BARD1: variants seen among roughly 807,000 people sequenced by gnomAD.
BARD1 encodes BRCA1-associated RING domain protein 1.
BARD1 carries 73 observed loss-of-function variants against 77.0 expected under a neutral mutation model. The observed-to-expected ratio is 0.95, with a 90% CI of 0.79 to 1.15. The LOEUF (loss-of-function observed/expected upper bound fraction) is 1.15, where lower values mean the gene tolerates loss of function less well. Among genes scored for constraint, BARD1 ranks in the 50% most tolerant of loss-of-function variants. The pLI is 0.00. For missense variants in BARD1, 993 were observed against 938.8 expected (o/e 1.06, Z -0.75); for synonymous variants, 384 against 338.0 (o/e 1.14, Z -1.49).
chr2:214,794,088 CA>C (rs1195820522), intron 2 of BARD1, among the ~76,000 whole-genome samples: 1 of 151,826 alleles, frequency 6.6e-6, no homozygotes, highest in Non-Finnish European at 1.5e-5. Flanking sequence ...CTTGTCTCTA[CA>C]AAAAACTACA....
chr2:214,796,125 C>T lies in BARD1; in HGVS notation c.215+936G>A, dbSNP rs1247812140. On this transcript the variant is annotated intron_variant, in intron 2 of 10. Coordinates refer to ENST00000260947, the MANE Select transcript of BARD1 (RefSeq NM_000465.4). Reference sequence around the variant, plus strand: ...AATTAAAAGATTAATTCAAAGGAGACTATATTTTCCCTGTCTCATAGGCAA... The same window carrying T: ...AATTAAAAGATTAATTCAAAGGAGATTATATTTTCCCTGTCTCATAGGCAA... 2.0e-5 allele frequency among the ~76,000 whole-genome samples: 3 copies of T among 152,170 alleles called. No individual in the cohort carries two copies. In the East Asian group the frequency reaches 5.8e-4, roughly 29 times the overall value.
At chr2:214,737,648 A>G (rs1176054754) in intron 9 of BARD1, among the ~76,000 whole-genome samples, 2 of 152,178 alleles carry the variant, frequency 1.3e-5, no homozygotes, top group African/African-American at 4.8e-5. Context: ...TAAGAATGAA[A>G]TGCTTTAAAA....
chr2:214,781,127 G>T lies in BARD1; in HGVS notation c.747C>A (p.Ile249=), dbSNP rs746551077. Residue 249 remains isoleucine (I), a synonymous_variant, in exon 4 of 11, where the codon ATC becomes ATA. Transcript: ENST00000260947. ...TTTCACCATTTATCTGAGGACTGGAGATAACAGATGGTTGGCTACAGAAGG... is the reference window on the plus strand; with the variant it reads ...TTTCACCATTTATCTGAGGACTGGATATAACAGATGGTTGGCTACAGAAGG... ...LVSFCSQPSV[I]SSPQINGEID... 3 of 1,575,834 alleles carry T rather than the reference G, an allele frequency of 1.9e-6. No homozygotes were observed. Among genetic ancestry groups the T allele is most frequent in the Non-Finnish European group, 2.6e-6 (3 of 1,165,226 alleles).
At position 214,797,115 on chromosome 2, in the gene BARD1, G is replaced by C. The variant is rs879253878; in HGVS notation, c.161C>G (p.Thr54Ser). The C allele has an allele frequency of 5.6e-6, 9 of 1,612,012 alleles. No homozygotes were observed. Among genetic ancestry groups the C allele is most frequent in the Non-Finnish European group, 7.6e-6 (9 of 1,178,436 alleles). ...ACACACAGGCTCTCTCAGAATGTTA[G>C]TACTGTTTGAAGAAATTAAAACAAT... Reference protein sequence around the residue: ...LEKLLRCSRCTNILREPVCLG... With the variant: ...LEKLLRCSRCSNILREPVCLG... The change falls in exon 2 of 11, where the codon ACT (threonine) becomes AGT (serine). Residue 54 changes from threonine (T) to serine (S), a missense_variant and splice_region_variant. Thr to Ser is a moderately conservative substitution (Grantham distance 58). Coordinates refer to ENST00000260947, the MANE Select transcript of BARD1 (RefSeq NM_000465.4).
intron 2 of BARD1, among the ~76,000 whole-genome samples, chr2:214,794,125 C>T (rs908304007): frequency 6.6e-6 from 1 of 151,994 alleles, no homozygotes; most frequent in African/African-American, 2.4e-5. Flanking sequence ...TGGTGGGGTG[C>T]ACCTGTAGTC....
intron 9 of BARD1, among the ~76,000 whole-genome samples, chr2:214,737,130 C>CA (rs1475416158): frequency 2.6e-5 from 4 of 152,052 alleles, no homozygotes; most frequent in Non-Finnish European, 5.9e-5. Flanking sequence ...CAAATGCCTA[C>CA]AAAAGCCAGG....
intron 3 of BARD1, among the ~76,000 whole-genome samples, chr2:214,791,795 C>T (rs964511635): frequency 6.6e-6 from 1 of 152,080 alleles, no homozygotes; most frequent in Non-Finnish European, 1.5e-5. Context: ...AATCACTATT[C>T]CATATATATT....
At chr2:214,755,460 GA>G (rs1366303927) in intron 6 of BARD1, among the ~76,000 whole-genome samples, 1 of 152,074 alleles carries the variant, frequency 6.6e-6, no homozygotes, top group African/African-American at 2.4e-5. Context: ...ATAAGACTTA[GA>G]AAAACACTGT....
chr2:214,741,793 A>G (rs1437131320), intron 9 of BARD1, among the ~76,000 whole-genome samples: 1 of 152,224 alleles, frequency 6.6e-6, no homozygotes. Flanking sequence ...TGCTAAGTTC[A>G]TTAATTATGG....
intron 1 of BARD1, among the ~76,000 whole-genome samples, chr2:214,804,732 A>C (rs1461947225): frequency 6.6e-6 from 1 of 152,224 alleles, no homozygotes; most frequent in Non-Finnish European, 1.5e-5. Context: ...TTAGGCTACT[A>C]TCACTGATTT....
At chr2:214,756,168 G>A (rs754228358) in intron 6 of BARD1, among the ~76,000 whole-genome samples, 12 of 152,116 alleles carry the variant, frequency 7.9e-5, no homozygotes, top group Non-Finnish European at 1.3e-4. Context: ...GGATCATGGG[G>A]GCGGATTTCC....
intron 9 of BARD1, among the ~76,000 whole-genome samples, chr2:214,744,362 G>T (rs1692994124): frequency 6.6e-6 from 1 of 152,170 alleles, no homozygotes; most frequent in African/African-American, 2.4e-5. Context: ...AAGACCAAAA[G>T]GGTGTTATGC....
chr2:214,729,975 TA>T (rs3046935), intron 10 of BARD1, among the ~76,000 whole-genome samples: 1 of 152,136 alleles, frequency 6.6e-6, no homozygotes, highest in Non-Finnish European at 1.5e-5. Context: ...TCGTTGGAAA[TA>T]AAAAAAGTTT....
chr2:214,769,158 T>G (rs1485066170), intron 5 of BARD1, 74 bp downstream of exon 5: 2 of 1,283,492 alleles, frequency 1.6e-6, no homozygotes, highest in Non-Finnish European at 2.3e-6. Context: ...GGATGATATA[T>G]AGACAACTAC....
In BARD1 at chr2:214,771,268, A is replaced by AT. The variant is rs564347834; in HGVS notation, c.1315-1957dup. On this transcript the variant is annotated intron_variant, in intron 4 of 10. Transcript: ENST00000260947. ...AAAGCTATAGACAGAAGTTACATGC[A>AT]TAACATTGTGTTCAATGAGTTTCGT... 1.6e-4 allele frequency among the ~76,000 whole-genome samples: 24 copies of AT among 152,326 alleles called. 1 individual carries two copies. In the South Asian group the frequency reaches 4.8e-3, roughly 30 times the overall value.
Position 214,737,112 on chromosome 2 carries a change from T to C in BARD1, c.1904-6604A>G, listed in dbSNP as rs559843468. Among the ~76,000 whole-genome samples, 5 of 152,270 alleles carry C rather than the reference T, an allele frequency of 3.3e-5. 1 individual carries two copies. The East Asian group carries it at 9.6e-4, about 29-fold the overall frequency. On this transcript the variant is annotated intron_variant, in intron 9 of 10. Transcript: ENST00000260947. ...CTGGGAGTGACAACTACTTCAAGGATTGCGACTCAAATGCCTACAAAAGCC... is the reference window on the plus strand; with the variant it reads ...CTGGGAGTGACAACTACTTCAAGGACTGCGACTCAAATGCCTACAAAAGCC...
In BARD1 at chr2:214,745,775, C is replaced by A. The variant is rs369756202; in HGVS notation, c.1757G>T (p.Ser586Ile). 3.7e-6 allele frequency: 6 copies of A among 1,613,950 alleles called. No individual in the cohort carries two copies. Among genetic ancestry groups the A allele is most frequent in the Non-Finnish European group, 5.1e-6 (6 of 1,179,990 alleles). The change falls in exon 8 of 11, where the codon AGT (serine) becomes ATT (isoleucine). Residue 586 changes from serine (S) to isoleucine (I), a missense_variant. Transcript: ENST00000260947. ...GLSSEQQKML[S>I]ELAVILKAKK... is the part of the protein sequence containing the mutation. ...AGCCTTAAGAATTACTGCAAGCTCA[C>A]TGAGCATTTTCTGTTGTTCTGAAGA...
chr2:214,799,864 G>A (rs1695937844), intron 1 of BARD1, among the ~76,000 whole-genome samples: 1 of 152,150 alleles, frequency 6.6e-6, no homozygotes, highest in South Asian at 2.1e-4. Context: ...TGCTGAAACT[G>A]TTCTCCAAAG....
chr2:214,792,207 T>A, intron 3 of BARD1, 90 bp downstream of exon 3: 1 of 1,133,420 alleles, frequency 8.8e-7, no homozygotes, highest in South Asian at 1.5e-5. Context: ...ATTCCAGAAC[T>A]CCAGATAGAT....
Sources: allele counts gnomAD v4.1 joint callset (sites outside exome capture counted in the v4.1 genomes callset), GRCh38; gene constraint gnomAD v4.1.1; transcripts MANE v1.5; gene names NCBI Gene and HGNC (gene_info 2026-07-23, HGNC 2026-07-21).